Variants in MAST3 observed in about 807,000 individuals in gnomAD.
MAST3 encodes the protein microtubule-associated serine/threonine-protein kinase 3.
A neutral mutation model predicts 127.0 loss-of-function variants in MAST3; 43 were observed. The ratio of observed to expected loss-of-function variants is 0.34; its 90% confidence interval spans 0.27 to 0.44. The LOEUF is 0.44. MAST3 is among the 20% of genes least tolerant of loss of function. MAST3 has a pLI of 1.00. For synonymous variants in MAST3, 785 were observed against 809.2 expected, an observed-to-expected ratio of 0.97 and a Z score of 0.51; for missense variants, 1,390 against 1,919.1, an observed-to-expected ratio of 0.72 and a Z score of 5.15.
chr19:18,108,136 C>CA (rs1456598265), intron 2 of MAST3, among the ~76,000 whole-genome samples: 1 of 151,942 alleles, frequency 6.6e-6, no homozygotes, highest in African/African-American at 2.4e-5. Context: ...ACTAAAAATA[C>CA]AAAAAAATTA....
chr19:18,098,482 T>C (rs901328883), intron 1 of MAST3, among the ~76,000 whole-genome samples: 1 of 151,826 alleles, frequency 6.6e-6, no homozygotes. Context: ...CAATGAGCCA[T>C]AGGGTCCTCC....
chr19:18,138,023 A>G (rs2042057592), intron 19 of MAST3, among the ~76,000 whole-genome samples: 1 of 152,074 alleles, frequency 6.6e-6, no homozygotes, highest in East Asian at 1.9e-4. Flanking sequence ...TGCCTGACCA[A>G]CATGGAGAAA....
chr19:18,141,215 G>A (rs1446329296), intron 20 of MAST3, among the ~76,000 whole-genome samples: 1 of 152,076 alleles, frequency 6.6e-6, no homozygotes, highest in Non-Finnish European at 1.5e-5. Flanking sequence ...CTAGTCAACA[G>A]CAAAAACGCA....
chr19:18,129,939 GA>G (rs979601368), intron 13 of MAST3, among the ~76,000 whole-genome samples: 1 of 24,900 alleles, frequency 4.0e-5, no homozygotes, highest in African/African-American at 9.3e-5. Context: ...AAAAAAAAAG[GA>G]AAGAAAGAAA....
chr19:18,110,597 G>A lies in MAST3; in HGVS notation c.72-55G>A, dbSNP rs550112490. The A allele has an allele frequency of 3.6e-4, 335 of 921,052 alleles. 6 individuals carry two copies. The highest frequency in any genetic ancestry group is 2.8e-3 in the Middle Eastern group (5 of 1,782). The allele number at this position is 921,052 out of a possible 1,614,324, so 57.1% of individuals were successfully genotyped here. Reference sequence around the variant, plus strand: ...AGCCGCCATCCGGAGATCCGGATTCGGCCACACGAAGGGGCGGCCGCCAGG... The same window carrying A: ...AGCCGCCATCCGGAGATCCGGATTCAGCCACACGAAGGGGCGGCCGCCAGG... On this transcript the variant is annotated intron_variant, in intron 2 of 27. Transcript: ENST00000687212. This position sits in a 1 kb window ranked among gnomAD's most constrained non-coding sequence, Gnocchi z 4.3.
chr19:18,118,539 G>A (rs977264305), intron 3 of MAST3, among the ~76,000 whole-genome samples: 2 of 152,194 alleles, frequency 1.3e-5, no homozygotes, highest in African/African-American at 4.8e-5. Flanking sequence ...CGGGTGTCCA[G>A]GGCTGGGCAG....
chr19:18,108,299 A>G (rs2038221355), intron 2 of MAST3, among the ~76,000 whole-genome samples: 1 of 151,904 alleles, frequency 6.6e-6, no homozygotes, highest in South Asian at 2.1e-4. Flanking sequence ...AAAAAAAAAG[A>G]AAAGAAAAAA....
At chr19:18,141,620 A>G (rs1781277603) in intron 20 of MAST3, among the ~76,000 whole-genome samples, 1 of 151,544 alleles carries the variant, frequency 6.6e-6, no homozygotes, top group Non-Finnish European at 1.5e-5. Context: ...TGATCCGCCC[A>G]CCTCAGCCTC....
chr19:18,133,880 G>A (rs885683), intron 15 of MAST3, among the ~76,000 whole-genome samples: 33,472 of 151,904 alleles, frequency 0.22, 3,744 homozygotes, highest in Non-Finnish European at 0.25. Flanking sequence ...AAACTCTCAC[G>A]CAAGTACAGT....
In MAST3 at chr19:18,124,757, C is replaced by A; in HGVS notation, c.1061C>A (p.Ala354Asp). Residue 354 changes from alanine to aspartate, a missense_variant, in exon 11 of 28, where the codon GCC becomes GAC. By Grantham distance (126) the Ala-to-Asp change is moderately radical (BLOSUM62 -2). This residue lies in a region of MAST3 where 277 missense variants were observed against 384.8 expected (regional missense o/e 0.72). Coordinates refer to ENST00000687212, the MANE Select transcript of MAST3 (RefSeq NM_001393504.1). Reference sequence around the variant, plus strand: ...TACATCATTGGGCAGCTGGGCCTGGCCAAGGACCCCCTGGAGGGTAAGCCG... The same window carrying A: ...TACATCATTGGGCAGCTGGGCCTGGACAAGGACCCCCTGGAGGGTAAGCCG... ...PQYIIGQLGL[A>D]KDPLEEMVPL... The A allele has an allele frequency of 6.3e-7, 1 of 1,599,694 alleles. No homozygotes were observed. The highest frequency in any genetic ancestry group is 1.8e-5 in the Admixed American group (1 of 56,572).
rs1488505826 is a variant in MAST3 at position 18,134,692 on chromosome 19, G to A, written c.1685G>A (p.Arg562Gln). The stretch of plus-strand genomic sequence containing the variant: ...GAGGGCCACATCGAGAAGGACGCCC[G>A]AGAGTTCATCGACAAGCAGGTGGGC... ...LYEGHIEKDA[R>Q]EFIDKQVCGT... is the part of the protein sequence containing the mutation. The change falls in exon 16 of 28, where the codon CGA becomes CAA. Residue 562 changes from arginine (R) to glutamine (Q), a missense_variant. Arg to Gln is a conservative substitution (Grantham distance 43). This residue lies in a region of MAST3 where 191 missense variants were observed against 409.0 expected (regional missense o/e 0.47). Transcript: ENST00000687212. 6.2e-7 allele frequency: 1 copy of A among 1,613,800 alleles called. No homozygotes were observed. Among genetic ancestry groups the A allele is most frequent in the Non-Finnish European group, 8.5e-7 (1 of 1,179,836 alleles).
intron 20 of MAST3, among the ~76,000 whole-genome samples, chr19:18,140,154 C>A (rs1371215247): frequency 6.6e-6 from 1 of 151,972 alleles, no homozygotes; most frequent in Admixed American, 6.6e-5. Flanking sequence ...CCGAGGCAGG[C>A]GGATCACTTG....
rs1342292606 is a variant in MAST3, at chr19:18,135,830, G to A, written c.1961G>A (p.Arg654His). 5 of 1,605,942 alleles carry A rather than the reference G, an allele frequency of 3.1e-6. No homozygotes were observed. The highest frequency in any genetic ancestry group is 1.3e-5 in the African/African-American group (1 of 74,780). ...TTGCTCCGGCAGAGCCCGCTGGACC[G>A]TCTGGGCACTGGTATGTAGTGTGGG... ...TRLLRQSPLD[R>H]LGTGGTHEVK... Residue 654 changes from arginine to histidine, a missense_variant, in exon 18 of 28, where the codon CGT becomes CAT. Arg to His is a conservative substitution (Grantham distance 29). Transcript: ENST00000687212.
intron 19 of MAST3, among the ~76,000 whole-genome samples, chr19:18,137,972 A>T (rs560974494): frequency 3.9e-5 from 6 of 152,304 alleles, no homozygotes; most frequent in Non-Finnish European, 8.8e-5. Context: ...TGGGAGGCTG[A>T]GGTGGGCAGA....
chr19:18,146,005 G>C (rs546740818), intron 25 of MAST3, 140 bp downstream of exon 25: 2 of 1,074,640 alleles, frequency 1.9e-6, no homozygotes, highest in African/African-American at 3.3e-5. Flanking sequence ...CACTTCCTTC[G>C]GCCCAGAATA....
chr19:18,101,469 C>G (rs550807012), intron 1 of MAST3, among the ~76,000 whole-genome samples: 2 of 151,826 alleles, frequency 1.3e-5, no homozygotes, highest in African/African-American at 2.4e-5. Flanking sequence ...AACTTCCAAC[C>G]GGGCTTGGTG....
At chr19:18,118,310 C>T in intron 3 of MAST3, 9 of 943,410 alleles carry the variant, frequency 9.5e-6, no homozygotes, top group Non-Finnish European at 1.1e-5. Context: ...ACAGGAGTTG[C>T]CAGAAGTGTG....
chr19:18,132,811 C>G (rs1464722492), intron 15 of MAST3, among the ~76,000 whole-genome samples: 2 of 152,144 alleles, frequency 1.3e-5, no homozygotes, highest in Non-Finnish European at 2.9e-5. Context: ...TGTTAAGAGC[C>G]TTGCATGTAG....
At chr19:18,116,090 C>CTTTTTT (rs3048876) in intron 3 of MAST3, among the ~76,000 whole-genome samples, 2,413 of 86,258 alleles carry the variant, frequency 0.028, 70 homozygotes, top group East Asian at 0.039. Flanking sequence ...TTGAAATTAT[C>CTTTTTT]TTTTTTTTTT....
Sources: gnomAD v4.1 joint callset for allele counts (sites outside exome capture counted in the v4.1 genomes callset) on GRCh38, gnomAD v4.1.1 for gene constraint, gnomAD v4.1.1 regional missense constraint, Gnocchi (gnomAD v3.1) non-coding constraint, MANE v1.5 for transcripts, NCBI Gene and HGNC (gene_info 2026-07-23, HGNC 2026-07-21) for gene names.